Variants in MAGI1 observed in about 807,000 individuals in gnomAD.
MAGI1 encodes membrane-associated guanylate kinase, WW and PDZ domain-containing protein 1.
MAGI1 carries 58 observed loss-of-function variants against 139.9 expected under a neutral mutation model. That is an observed-to-expected ratio of 0.41 (90% CI 0.34 to 0.52). The LOEUF (loss-of-function observed/expected upper bound fraction) is 0.52, where lower values mean the gene tolerates loss of function less well. Among genes scored for constraint, MAGI1 ranks in the 20% least tolerant of loss-of-function variants. The pLI is 0.12. For missense variants in MAGI1, 1,874 were observed against 1,901.6 expected, an observed-to-expected ratio of 0.99 and a Z score of 0.27; for synonymous variants, 812 against 737.9, an observed-to-expected ratio of 1.10 and a Z score of -1.63.
intron 1 of MAGI1, among the ~76,000 whole-genome samples, chr3:65,800,101 C>T (rs1412220001): frequency 6.6e-6 from 1 of 152,208 alleles, no homozygotes; most frequent in African/African-American, 2.4e-5. Context: ...TCAGTTTCCT[C>T]ATCCATAAAT....
chr3:65,417,557 G>A (rs894842042), intron 12 of MAGI1, among the ~76,000 whole-genome samples: 1 of 151,224 alleles, frequency 6.6e-6, no homozygotes, highest in African/African-American at 2.4e-5. Flanking sequence ...AAAAAGAAAA[G>A]AAAAGTTGCC....
chr3:65,462,521 G>A (rs1949875431), intron 5 of MAGI1, among the ~76,000 whole-genome samples: 1 of 152,258 alleles, frequency 6.6e-6, no homozygotes, highest in African/African-American at 2.4e-5. Context: ...GGTTACTGTA[G>A]CCTTGTAGTA....
At chr3:65,843,669 G>A (rs10510947) in intron 1 of MAGI1, among the ~76,000 whole-genome samples, 71,080 of 151,890 alleles carry the variant, frequency 0.47, 17,952 homozygotes, top group East Asian at 0.76. Flanking sequence ...CTCCTCATCA[G>A]GTTCCTGGTA....
intron 1 of MAGI1, among the ~76,000 whole-genome samples, chr3:65,756,090 A>G (rs1334441808): frequency 1.3e-5 from 2 of 152,184 alleles, no homozygotes; most frequent in African/African-American, 2.4e-5. Flanking sequence ...GAAGTTAAAA[A>G]TTATCGTGTC....
chr3:65,565,932 G>T (rs2080604463), intron 2 of MAGI1, among the ~76,000 whole-genome samples: 1 of 151,144 alleles, frequency 6.6e-6, no homozygotes, highest in Non-Finnish European at 1.5e-5. Context: ...ACCACATGAT[G>T]CAACAGTAAT....
intron 1 of MAGI1, among the ~76,000 whole-genome samples, chr3:65,756,537 T>C (rs1174543905): frequency 1.3e-5 from 2 of 152,160 alleles, no homozygotes; most frequent in African/African-American, 4.8e-5. Context: ...ATGATATATG[T>C]TCATCCCAGC....
intron 5 of MAGI1, among the ~76,000 whole-genome samples, chr3:65,467,089 G>A (rs1264467138): frequency 6.6e-6 from 1 of 152,166 alleles, no homozygotes; most frequent in African/African-American, 2.4e-5. Context: ...AACAGAAAGG[G>A]AACTCACCAC....
intron 1 of MAGI1, among the ~76,000 whole-genome samples, chr3:65,692,719 C>G (rs950518516): frequency 1.3e-5 from 2 of 152,100 alleles, no homozygotes; most frequent in African/African-American, 4.8e-5. Flanking sequence ...TGAATGAATG[C>G]ATGGGTTATC....
chr3:65,609,266 C>G (rs569065768), intron 2 of MAGI1, among the ~76,000 whole-genome samples: 2 of 150,500 alleles, frequency 1.3e-5, no homozygotes, highest in East Asian at 3.9e-4. Context: ...ATCTCTATCT[C>G]TCTCTCTCTC....
chr3:65,438,708 C>A (rs1317815005), intron 9 of MAGI1, among the ~76,000 whole-genome samples: 1 of 152,158 alleles, frequency 6.6e-6, no homozygotes, highest in Non-Finnish European at 1.5e-5. Flanking sequence ...CCAAGAATAA[C>A]TTTTATTCTC....
At chr3:65,634,325 T>A (rs924430261) in intron 1 of MAGI1, among the ~76,000 whole-genome samples, 26 of 152,236 alleles carry the variant, frequency 1.7e-4, no homozygotes, top group Admixed American at 9.8e-4. Context: ...CAAGTTCTTG[T>A]ACTTGCAAAG....
Position 65,654,259 on chromosome 3 carries a change from G to A in MAGI1, c.314-32171C>T, listed in dbSNP as rs75899936. ...TATGCCCAGATAACAGCCCCAGAAT[G>A]GAAACTGTTGTCATTTGATGCTTTC... On this transcript the variant is annotated intron_variant, in intron 1 of 22. Coordinates refer to ENST00000402939, the MANE Select transcript of MAGI1 (RefSeq NM_001033057.2). 2.7e-3 allele frequency among the ~76,000 whole-genome samples: 411 copies of A among 152,186 alleles called. 4 individuals are homozygous for A. Among genetic ancestry groups the A allele is most frequent in the East Asian group, 0.014 (74 of 5,174 alleles).
chr3:65,927,146 G>T (rs2062568590), intron 1 of MAGI1, among the ~76,000 whole-genome samples: 1 of 152,176 alleles, frequency 6.6e-6, no homozygotes, highest in South Asian at 2.1e-4. Flanking sequence ...GGGCTGGTCT[G>T]CCTATGGAGT....
intron 1 of MAGI1, chr3:65,687,890 G>A (rs907925494): frequency 1.6e-6 from 1 of 643,020 alleles, no homozygotes; most frequent in South Asian, 1.4e-5. Context: ...TGGATATCAA[G>A]GTATTGCAGG....
intron 1 of MAGI1, among the ~76,000 whole-genome samples, chr3:66,024,634 C>T (rs28641034): frequency 0.44 from 66,657 of 151,950 alleles, 16,143 homozygotes; most frequent in African/African-American, 0.63. Context: ...TGGTGAAACC[C>T]TGTCTCTAAT....
intron 2 of MAGI1, among the ~76,000 whole-genome samples, chr3:65,574,057 C>T (rs1046957671): frequency 3.3e-5 from 5 of 151,818 alleles, no homozygotes; most frequent in African/African-American, 9.7e-5. Context: ...ATAAAATCTA[C>T]AATAAAACTA....
intron 1 of MAGI1, among the ~76,000 whole-genome samples, chr3:65,759,445 T>C (rs1295245290): frequency 6.6e-6 from 1 of 152,208 alleles, no homozygotes; most frequent in Non-Finnish European, 1.5e-5. Flanking sequence ...GTTATTCTTA[T>C]TACTGGGATC....
intron 1 of MAGI1, among the ~76,000 whole-genome samples, chr3:65,783,075 C>T (rs1308843262): frequency 2.0e-5 from 3 of 151,466 alleles, no homozygotes; most frequent in Non-Finnish European, 2.9e-5. Flanking sequence ...GCAAACAACA[C>T]CATCAAGAAA....
intron 2 of MAGI1, among the ~76,000 whole-genome samples, chr3:65,604,299 T>A (rs1467740903): frequency 1.3e-5 from 2 of 152,144 alleles, no homozygotes; most frequent in Non-Finnish European, 2.9e-5. Context: ...GAAGCTATGT[T>A]GGATTCTACA....
Sources: gnomAD v4.1 joint callset for allele counts (sites outside exome capture counted in the v4.1 genomes callset) on GRCh38, gnomAD v4.1.1 for gene constraint, MANE v1.5 for transcripts, NCBI Gene and HGNC (gene_info 2026-07-23, HGNC 2026-07-21) for gene names.